The following TMCO5A variants were observed in gnomAD, a reference collection of about 807,000 sequenced individuals.
TMCO5A encodes transmembrane and coiled-coil domains 5A.
In TMCO5A, 34 loss-of-function variants were observed where a neutral mutation model predicts 42.3. The ratio of observed to expected loss-of-function variants is 0.80; its 90% CI spans 0.61 to 1.07. The LOEUF (loss-of-function observed/expected upper bound fraction) is 1.07. TMCO5A is among the 50% of genes least tolerant of loss of function. The probability of loss-of-function intolerance (pLI) is 0.00; values close to 1 mark genes in which losing one functional copy is unlikely to be tolerated. For missense variants in TMCO5A, 357 were observed against 327.9 expected (o/e 1.09, Z -0.69); for synonymous variants, 131 against 115.6 (o/e 1.13, Z -0.86).
At chr15:38,023,586 C>T in the TMCO5A span, among the ~76,000 whole-genome samples, 1 of 152,180 alleles carries the variant, frequency 6.6e-6, no homozygotes, top group African/African-American at 2.4e-5. Flanking sequence ...AATGGTCAAG[C>T]AGACCACTAT....
intron 9 of TMCO5A, 23 bp downstream of exon 9, chr15:37,942,278 C>T (rs761999426): frequency 2.0e-5 from 32 of 1,609,444 alleles, no homozygotes; most frequent in Non-Finnish European, 2.7e-5. Context: ...AAAGGAACAT[C>T]CTGGTTTTGG....
chr15:37,979,203 T>C, the TMCO5A span, among the ~76,000 whole-genome samples: 8 of 152,036 alleles, frequency 5.3e-5, no homozygotes, highest in African/African-American at 1.5e-4. Context: ...GAACACAGTC[T>C]TGTTGCTTTT....
the TMCO5A span, among the ~76,000 whole-genome samples, chr15:38,033,997 T>G: frequency 0.015 from 2,287 of 152,286 alleles, 47 homozygotes; most frequent in African/African-American, 0.053. Context: ...AATGAGAATT[T>G]ATTTCTCACA....
At chr15:38,025,548 G>A in the TMCO5A span, among the ~76,000 whole-genome samples, 2 of 151,920 alleles carry the variant, frequency 1.3e-5, no homozygotes, top group East Asian at 3.9e-4. Context: ...CTATCATCCT[G>A]GCAACAGTTT....
chr15:38,036,278 T>G, the TMCO5A span, among the ~76,000 whole-genome samples: 1 of 152,128 alleles, frequency 6.6e-6, no homozygotes, highest in Admixed American at 6.5e-5. Flanking sequence ...CTCCCTCTGC[T>G]CCATCTTTTC....
At chr15:37,957,850 G>T (rs1225915324) in intron 11 of TMCO5A, among the ~76,000 whole-genome samples, 1 of 152,070 alleles carries the variant, frequency 6.6e-6, no homozygotes, top group Non-Finnish European at 1.5e-5. Flanking sequence ...ATACTACAAG[G>T]CTACAGTAAC....
At chr15:37,996,077 C>T in the TMCO5A span, among the ~76,000 whole-genome samples, 1 of 152,218 alleles carries the variant, frequency 6.6e-6, no homozygotes, top group Non-Finnish European at 1.5e-5. Flanking sequence ...CCCTTCCCCA[C>T]CCCACTTCCC....
chr15:37,992,844 C>T, the TMCO5A span, among the ~76,000 whole-genome samples: 1 of 151,914 alleles, frequency 6.6e-6, no homozygotes, highest in African/African-American at 2.4e-5. Flanking sequence ...CTGGGGACTA[C>T]CTGAGAGTAG....
chr15:38,014,087 G>A, the TMCO5A span, among the ~76,000 whole-genome samples: 2 of 152,100 alleles, frequency 1.3e-5, no homozygotes, highest in Non-Finnish European at 2.9e-5. Flanking sequence ...ATTACATTGG[G>A]TCCATGAGGA....
chr15:37,965,342 C>T (rs1049117481), intron 11 of TMCO5A, among the ~76,000 whole-genome samples: 8 of 152,130 alleles, frequency 5.3e-5, no homozygotes, highest in East Asian at 1.9e-4. Context: ...CTCTCCAGTA[C>T]ATTGGTCTGA....
intron 11 of TMCO5A, among the ~76,000 whole-genome samples, chr15:37,963,281 T>A (rs950303602): frequency 1.1e-4 from 17 of 152,284 alleles, no homozygotes; most frequent in African/African-American, 3.8e-4. Flanking sequence ...AAGAATTTTT[T>A]AATTTCCATC....
intron 11 of TMCO5A, among the ~76,000 whole-genome samples, chr15:37,948,260 A>G (rs1276767394): frequency 6.6e-6 from 1 of 152,138 alleles, no homozygotes; most frequent in Non-Finnish European, 1.5e-5. Flanking sequence ...GCAAAGTAAA[A>G]TTGGTATTCA....
the TMCO5A span, among the ~76,000 whole-genome samples, chr15:38,015,924 C>T: frequency 2.6e-5 from 4 of 152,168 alleles, no homozygotes; most frequent in Admixed American, 6.5e-5. Flanking sequence ...GATGAATATG[C>T]AGAGCATAGA....
In TMCO5A at chr15:37,951,033, T is replaced by C. The variant is rs564358062; in HGVS notation, c.669-3T>C. 6 of 1,610,842 alleles carry C rather than the reference T, an allele frequency of 3.7e-6. No homozygotes were observed. In the Admixed American group the frequency reaches 6.7e-5, roughly 18 times the overall value. ...TAACAGTTTCATGGCATTCTCTTTT[T>C]AGGATTTTTTGCTGTCTCTTTTTCA... is the stretch of plus-strand genomic sequence containing the variant. On this transcript the variant is annotated splice_region_variant and splice_polypyrimidine_tract_variant and intron_variant, in intron 11 of 11. Coordinates refer to ENST00000319669, the MANE Select transcript of TMCO5A (RefSeq NM_152453.4).
the TMCO5A span, among the ~76,000 whole-genome samples, chr15:37,977,566 G>C: frequency 6.6e-6 from 1 of 152,168 alleles, no homozygotes; most frequent in Admixed American, 6.5e-5. Flanking sequence ...GCTTAGCCAC[G>C]TGGCTCCTCT....
At chr15:37,951,891 C>G (rs189359346), downstream of TMCO5A, among the ~76,000 whole-genome samples, 1 of 152,164 alleles carries the variant, frequency 6.6e-6, no homozygotes. Context: ...CCAACACCCC[C>G]CCTTTCCCAT....
chr15:37,947,466 G>A (rs921620763), intron 10 of TMCO5A, among the ~76,000 whole-genome samples, 190 bp from the exon 11 acceptor site: 2 of 151,962 alleles, frequency 1.3e-5, no homozygotes, highest in African/African-American at 2.4e-5. Context: ...ATGTAAAAAG[G>A]TAGGACAAAT....
chr15:37,937,028 A>G (rs1028776014), intron 4 of TMCO5A, 58 bp downstream of exon 4: 1 of 1,598,800 alleles, frequency 6.3e-7, no homozygotes. Context: ...TCCATCCTTC[A>G]TCAATTATCA....
downstream of TMCO5A, among the ~76,000 whole-genome samples, chr15:37,955,015 A>G (rs1237111448): frequency 6.6e-6 from 1 of 151,838 alleles, no homozygotes; most frequent in Non-Finnish European, 1.5e-5. Flanking sequence ...TAGAAGGAAG[A>G]CAGGAAGAAA....
Sources: gnomAD v4.1 joint callset for allele counts (sites outside exome capture counted in the v4.1 genomes callset) on GRCh38, gnomAD v4.1.1 for gene constraint, MANE v1.5 for transcripts, NCBI Gene and HGNC (gene_info 2026-07-23, HGNC 2026-07-21) for gene names.